The following FANCB variants were observed in gnomAD, a reference collection of about 807,000 sequenced individuals.
FANCB encodes Fanconi anemia group B protein.
FANCB carries 5 observed loss-of-function variants against 38.9 expected under a neutral mutation model. That is an observed-to-expected ratio of 0.13 (90% CI 0.07 to 0.27). The LOEUF (loss-of-function observed/expected upper bound fraction) is 0.27. Ranked by LOEUF, FANCB falls within the 10% of genes least tolerant of loss-of-function variation. FANCB has a pLI of 1.00. For synonymous variants in FANCB, 236 were observed against 215.4 expected (o/e 1.10, Z -0.84); for missense variants, 573 against 602.7 (o/e 0.95, Z 0.52).
chrX:14,706,255 C>T, the FANCB span, among the ~76,000 whole-genome samples: 4 of 111,430 alleles, frequency 3.6e-5, no homozygotes, highest in Non-Finnish European at 7.5e-5. Context: ...CTACCCCAGA[C>T]GTGTGGAATC....
chrX:14,716,344 A>C, the FANCB span, among the ~76,000 whole-genome samples: 1 of 111,776 alleles, frequency 8.9e-6, no homozygotes, highest in Non-Finnish European at 1.9e-5. Flanking sequence ...TCTAGGTTAT[A>C]GTAAAGATGT....
the FANCB span, among the ~76,000 whole-genome samples, chrX:14,699,808 G>C: frequency 9.0e-6 from 1 of 111,554 alleles, no homozygotes; most frequent in African/African-American, 3.3e-5. Flanking sequence ...CCACATATGA[G>C]TGAGATCACG....
At chrX:14,842,955 C>A (rs1489738593), downstream of FANCB, among the ~76,000 whole-genome samples, 3 of 111,755 alleles carry the variant, frequency 2.7e-5, no homozygotes, top group Non-Finnish European at 5.6e-5. Flanking sequence ...CTCGCCCAGA[C>A]AATCTGCCAT....
the FANCB span, among the ~76,000 whole-genome samples, chrX:14,745,687 ATTTTTTTTTTTTT>A: frequency 3.4e-5 from 1 of 29,221 alleles, no homozygotes; most frequent in African/African-American, 1.4e-4. Context: ...AAACTCTGGA[ATTTTTTTTTTTTT>A]TTTTTTTTTT....
the FANCB span, among the ~76,000 whole-genome samples, chrX:14,817,010 T>C: frequency 8.9e-6 from 1 of 112,283 alleles, no homozygotes; most frequent in Non-Finnish European, 1.9e-5. Flanking sequence ...TCCTATTATA[T>C]GCCCAGTTCC....
chrX:14,726,646 A>G, the FANCB span, among the ~76,000 whole-genome samples: 1 of 112,637 alleles, frequency 8.9e-6, no homozygotes, highest in Non-Finnish European at 1.9e-5. Flanking sequence ...ATGACGATGT[A>G]CAATATAATG....
the FANCB span, among the ~76,000 whole-genome samples, chrX:14,732,927 G>A: frequency 1.4e-4 from 16 of 111,903 alleles, no homozygotes; most frequent in Admixed American, 4.7e-4. Flanking sequence ...CATTGCTTTT[G>A]GTGTTTTAGT....
At chrX:14,797,145 A>T in the FANCB span, among the ~76,000 whole-genome samples, 1 of 111,642 alleles carries the variant, frequency 9.0e-6, no homozygotes, top group Non-Finnish European at 1.9e-5. Flanking sequence ...TATCTGGCCT[A>T]GTCAAGTTGA....
chrX:14,692,729 G>T, the FANCB span, among the ~76,000 whole-genome samples: 1 of 111,699 alleles, frequency 9.0e-6, no homozygotes, highest in Non-Finnish European at 1.9e-5. Context: ...CTAGACCAAA[G>T]ATGGAAAATG....
the FANCB span, among the ~76,000 whole-genome samples, chrX:14,691,329 G>A: frequency 2.5e-4 from 17 of 67,670 alleles, no homozygotes; most frequent in African/African-American, 3.5e-4. Context: ...GTGTGTGCGC[G>A]CGTGCGTGCG....
the FANCB span, among the ~76,000 whole-genome samples, chrX:14,729,370 G>A: frequency 9.0e-6 from 1 of 110,593 alleles, no homozygotes; most frequent in African/African-American, 3.3e-5. Flanking sequence ...CAACCCCACC[G>A]TTTGACCCCC....
chrX:14,783,632 T>C, the FANCB span, among the ~76,000 whole-genome samples: 147 of 111,674 alleles, frequency 1.3e-3, 1 homozygote, highest in Middle Eastern at 4.7e-3. Context: ...GATAGAAAAT[T>C]GGGGATATTT....
At chrX:14,780,468 C>T in the FANCB span, among the ~76,000 whole-genome samples, 2 of 110,885 alleles carry the variant, frequency 1.8e-5, no homozygotes, top group African/African-American at 6.8e-5. Context: ...TTTTAAATGA[C>T]TATCTAAAAC....
chrX:14,725,074 C>G, the FANCB span, among the ~76,000 whole-genome samples: 1 of 111,783 alleles, frequency 8.9e-6, no homozygotes, highest in Non-Finnish European at 1.9e-5. Context: ...TTTATTAGCA[C>G]TATAACTATA....
chrX:14,780,571 A>G, the FANCB span, among the ~76,000 whole-genome samples: 23 of 111,037 alleles, frequency 2.1e-4, 3 homozygotes, highest in African/African-American at 7.8e-4. Context: ...TTTTAATTTA[A>G]CATTTATTGC....
the FANCB span, among the ~76,000 whole-genome samples, chrX:14,794,102 T>C: frequency 1.8e-5 from 2 of 111,879 alleles, no homozygotes; most frequent in Non-Finnish European, 3.8e-5. Flanking sequence ...TGTAAGCAGA[T>C]ACTTACATAC....
chrX:14,794,484 G>A, the FANCB span, among the ~76,000 whole-genome samples: 1 of 112,034 alleles, frequency 8.9e-6, no homozygotes, highest in Non-Finnish European at 1.9e-5. Flanking sequence ...TATTTTGGAA[G>A]TCATCATGAA....
the FANCB span, among the ~76,000 whole-genome samples, chrX:14,818,096 T>C: frequency 9.0e-6 from 1 of 111,665 alleles, no homozygotes; most frequent in Admixed American, 9.6e-5. Context: ...TGAGCCTTTG[T>C]ATTGCTCAAA....
the FANCB span, among the ~76,000 whole-genome samples, chrX:14,817,074 C>A: frequency 3.3e-4 from 37 of 111,728 alleles, no homozygotes; most frequent in African/African-American, 1.2e-3. Flanking sequence ...CTATTTGTGT[C>A]TCTGCATATT....
Sources: allele counts gnomAD v4.1 joint callset (sites outside exome capture counted in the v4.1 genomes callset), GRCh38; gene constraint gnomAD v4.1.1; transcripts MANE v1.5; gene names NCBI Gene and HGNC (gene_info 2026-07-23, HGNC 2026-07-21).